ETV6: variants seen among roughly 807,000 people sequenced by gnomAD.
ETV6 encodes ETS variant transcription factor 6.
In ETV6, 16 loss-of-function variants were observed where a neutral mutation model predicts 51.1. That is an observed-to-expected ratio of 0.31 (90% CI 0.21 to 0.48). ETV6 has a LOEUF of 0.48. ETV6 is among the 20% of genes least tolerant of loss of function. ETV6 has a pLI of 0.99. For synonymous variants in ETV6, 240 were observed against 224.1 expected (o/e 1.07, Z -0.64); for missense variants, 458 against 594.8 (o/e 0.77, Z 2.39).
intron 1 of ETV6, among the ~76,000 whole-genome samples, chr12:11,720,925 C>A (rs1302908105): frequency 6.6e-6 from 1 of 151,984 alleles, no homozygotes; most frequent in Admixed American, 6.5e-5. Flanking sequence ...GAACAGACAC[C>A]TCTTAAAAGA....
chr12:11,875,801 G>T (rs555023442), intron 5 of ETV6, among the ~76,000 whole-genome samples: 44 of 151,924 alleles, frequency 2.9e-4, no homozygotes, highest in African/African-American at 9.2e-4. Flanking sequence ...GCCACCATGC[G>T]TTTTTTTTAA....
intron 5 of ETV6, among the ~76,000 whole-genome samples, chr12:11,877,433 T>G (rs942775053): frequency 2.0e-4 from 30 of 152,194 alleles, no homozygotes; most frequent in African/African-American, 7.0e-4. Context: ...CGGCCTTTGT[T>G]GGAAGGTGTG....
intron 2 of ETV6, among the ~76,000 whole-genome samples, chr12:11,778,840 TAG>T (rs1312888386): frequency 1.3e-5 from 2 of 152,224 alleles, no homozygotes; most frequent in Non-Finnish European, 2.9e-5. Context: ...TAAAAGGCCT[TAG>T]AGGATTAGAC....
At chr12:11,671,700 C>T (rs143311477) in intron 1 of ETV6, among the ~76,000 whole-genome samples, 67 of 152,146 alleles carry the variant, frequency 4.4e-4, no homozygotes, top group African/African-American at 1.5e-3. Flanking sequence ...GCCCAAAGCT[C>T]GGTTAAGTGA....
intron 1 of ETV6, among the ~76,000 whole-genome samples, chr12:11,693,555 G>T (rs1006232251): frequency 4.6e-5 from 7 of 152,170 alleles, no homozygotes; most frequent in African/African-American, 1.7e-4. Context: ...CAGGCTGTTT[G>T]CTTGGATGGT....
chr12:11,782,465 A>C (rs935761626), intron 2 of ETV6, among the ~76,000 whole-genome samples: 3 of 152,258 alleles, frequency 2.0e-5, no homozygotes, highest in Admixed American at 1.3e-4. Flanking sequence ...TTTATTATTA[A>C]GAGACAGTGT....
intron 1 of ETV6, among the ~76,000 whole-genome samples, chr12:11,709,439 A>C (rs542557748): frequency 1.3e-5 from 2 of 152,170 alleles, no homozygotes; most frequent in Admixed American, 1.3e-4. Flanking sequence ...CCTGAGCTCA[A>C]ATGATCCTCC....
At chr12:11,682,427 A>G (rs1403845568) in intron 1 of ETV6, among the ~76,000 whole-genome samples, 1 of 152,038 alleles carries the variant, frequency 6.6e-6, no homozygotes, top group Non-Finnish European at 1.5e-5. Flanking sequence ...TTTTCCTTGT[A>G]AATTTGTTTT....
At chr12:11,850,658 T>C (rs1213491875) in intron 3 of ETV6, among the ~76,000 whole-genome samples, 2 of 152,236 alleles carry the variant, frequency 1.3e-5, no homozygotes, top group Non-Finnish European at 2.9e-5. Context: ...TCTTATTGAA[T>C]CGTTACAACG....
At chr12:11,663,086 A>G (rs1864129581) in intron 1 of ETV6, among the ~76,000 whole-genome samples, 1 of 152,250 alleles carries the variant, frequency 6.6e-6, no homozygotes. Flanking sequence ...CAGGGCACAA[A>G]TGGCAGGCTT....
At chr12:11,871,470 G>T (rs1422585380) in intron 5 of ETV6, among the ~76,000 whole-genome samples, 1 of 151,984 alleles carries the variant, frequency 6.6e-6, no homozygotes. Context: ...GATTACAGGC[G>T]TGAGCCACCG....
chr12:11,702,742 T>C (rs1017354371), intron 1 of ETV6, among the ~76,000 whole-genome samples: 5 of 152,230 alleles, frequency 3.3e-5, no homozygotes, highest in African/African-American at 1.2e-4. Flanking sequence ...TCGTTGTTCA[T>C]ATGCAGTTTC....
intron 2 of ETV6, among the ~76,000 whole-genome samples, chr12:11,827,381 G>C (rs554417242): frequency 1.3e-5 from 2 of 152,132 alleles, no homozygotes; most frequent in African/African-American, 4.8e-5. Flanking sequence ...AAGGAAGAAG[G>C]GGGTGCAGTG....
intron 1 of ETV6, among the ~76,000 whole-genome samples, chr12:11,702,589 C>A (rs1002814663): frequency 6.6e-6 from 1 of 151,992 alleles, no homozygotes; most frequent in Non-Finnish European, 1.5e-5. Context: ...ATGGCCCTTC[C>A]CCACTGCCTG....
intron 1 of ETV6, among the ~76,000 whole-genome samples, chr12:11,674,681 A>G (rs966836424): frequency 6.9e-6 from 1 of 145,218 alleles, no homozygotes. Context: ...TTCCCCATGA[A>G]GCCCTGATTG....
chr12:11,854,303 A>G (rs1301572358), intron 4 of ETV6, among the ~76,000 whole-genome samples: 1 of 152,092 alleles, frequency 6.6e-6, no homozygotes, highest in African/African-American at 2.4e-5. Flanking sequence ...CTAGATACAG[A>G]TGAAGCTTCA....
intron 1 of ETV6, among the ~76,000 whole-genome samples, chr12:11,730,035 C>T (rs954145308): frequency 2.0e-5 from 3 of 152,044 alleles, no homozygotes; most frequent in Non-Finnish European, 4.4e-5. Context: ...TCTGTGCAAG[C>T]GAAAATTATT....
intron 3 of ETV6, among the ~76,000 whole-genome samples, chr12:11,847,082 C>T (rs1448555261): frequency 1.3e-5 from 2 of 152,084 alleles, no homozygotes; most frequent in African/African-American, 2.4e-5. Flanking sequence ...GGGCTGCAGT[C>T]TACGAGCAAT....
chr12:11,810,321 C>T (rs972394741), intron 2 of ETV6, among the ~76,000 whole-genome samples: 1 of 152,098 alleles, frequency 6.6e-6, no homozygotes, highest in African/African-American at 2.4e-5. Flanking sequence ...GTAGAAAGCC[C>T]TTGAATGTAA....
Sources: allele counts gnomAD v4.1 joint callset (sites outside exome capture counted in the v4.1 genomes callset), GRCh38; gene constraint gnomAD v4.1.1; transcripts MANE v1.5; gene names NCBI Gene and HGNC (gene_info 2026-07-23, HGNC 2026-07-21).